Variants in CEP85L observed in about 807,000 individuals in gnomAD.
The protein encoded by CEP85L is centrosomal protein 85L.
In CEP85L, 60 loss-of-function variants were observed where a neutral mutation model predicts 100.3. The ratio of observed to expected loss-of-function variants is 0.60; its 90% CI spans 0.49 to 0.74. The LOEUF (loss-of-function observed/expected upper bound fraction) is 0.74, where lower values mean the gene tolerates loss of function less well. CEP85L is among the 30% of genes least tolerant of loss of function. The pLI, the probability that CEP85L is intolerant of heterozygous loss-of-function variation, is 0.00. For missense variants in CEP85L, 973 were observed against 936.2 expected (o/e 1.04, Z -0.51); for synonymous variants, 319 against 322.7 (o/e 0.99, Z 0.12).
intron 3 of CEP85L, among the ~76,000 whole-genome samples, chr6:118,564,550 A>T (rs1779393337): frequency 6.6e-6 from 1 of 152,196 alleles, no homozygotes; most frequent in South Asian, 2.1e-4. Flanking sequence ...GCGACATGTT[A>T]AGGGTTCTCC....
chr6:118,696,795 G>A (rs183383853), intron 1 of CEP85L, among the ~76,000 whole-genome samples: 87 of 152,202 alleles, frequency 5.7e-4, no homozygotes, highest in African/African-American at 2.0e-3. Context: ...ATGTTAAAAC[G>A]TTCTAAGATA....
intron 2 of CEP85L, among the ~76,000 whole-genome samples, chr6:118,580,634 C>T (rs182951950): frequency 3.9e-5 from 6 of 152,198 alleles, no homozygotes; most frequent in Non-Finnish European, 7.3e-5. Context: ...CTCGCCGTTG[C>T]GCAAGGCTGG....
intron 2 of CEP85L, among the ~76,000 whole-genome samples, chr6:118,594,653 G>C (rs557985977): frequency 6.6e-6 from 1 of 152,090 alleles, no homozygotes. Context: ...TGGATCACGA[G>C]GTCAGGAGAT....
chr6:118,488,110 G>A (rs1468534987), intron 6 of CEP85L, among the ~76,000 whole-genome samples: 3 of 152,140 alleles, frequency 2.0e-5, no homozygotes, highest in Non-Finnish European at 2.9e-5. Flanking sequence ...TCTCTGAGGA[G>A]TGGAAGTGAT....
At chr6:118,652,544 A>T, upstream of CEP85L, 4 of 1,414,020 alleles carry the variant, frequency 2.8e-6, no homozygotes, top group South Asian at 6.0e-5. Context: ...CAGGTCGCTT[A>T]ACTAGAGAGG....
chr6:118,598,783 C>A (rs1781579762), intron 2 of CEP85L, among the ~76,000 whole-genome samples: 1 of 152,104 alleles, frequency 6.6e-6, no homozygotes, highest in Non-Finnish European at 1.5e-5. Context: ...GTTATAGCAG[C>A]CCTAGGAAAC....
intron 5 of CEP85L, chr6:118,502,066 G>A (rs1428717457): frequency 8.1e-6 from 7 of 861,718 alleles, no homozygotes; most frequent in Non-Finnish European, 1.1e-5. Context: ...TCCCCATCCT[G>A]TGGATCCCAT....
In CEP85L at chr6:118,687,893, G is replaced by A. The variant is rs572086568; in HGVS notation, c.-28+22143C>T. ...AAAGGCTTGCCATTGTTCCTGCACG[G>A]CTGAGTGCGTGTGTTCATCCTAATC... On this transcript the variant is annotated intron_variant, in intron 1 of 13. Transcript: ENST00000368488. Among the ~76,000 whole-genome samples, 62 of 152,278 alleles carry A rather than the reference G, an allele frequency of 4.1e-4. No homozygotes were observed. The South Asian group carries it at 0.012, about 31-fold the overall frequency.
intron 1 of CEP85L, among the ~76,000 whole-genome samples, chr6:118,661,252 A>T (rs905747385): frequency 1.3e-5 from 2 of 152,238 alleles, no homozygotes; most frequent in African/African-American, 4.8e-5. Context: ...TTACCATATA[A>T]TGTCATCTTA....
intron 8 of CEP85L, among the ~76,000 whole-genome samples, chr6:118,480,788 A>T (rs1190266973): frequency 1.3e-5 from 2 of 152,092 alleles, no homozygotes; most frequent in East Asian, 1.9e-4. Context: ...GGCTCCGATG[A>T]AGTCCTTCAT....
At chr6:118,617,768 C>T (rs1773162819) in intron 2 of CEP85L, among the ~76,000 whole-genome samples, 2 of 152,148 alleles carry the variant, frequency 1.3e-5, no homozygotes, top group African/African-American at 4.8e-5. Context: ...AATTCTTTGG[C>T]GTGGCTAGGC....
intron 1 of CEP85L, among the ~76,000 whole-genome samples, chr6:118,660,071 T>C (rs957101605): frequency 7.2e-5 from 11 of 152,236 alleles, no homozygotes; most frequent in African/African-American, 2.7e-4. Flanking sequence ...GTGTGTCTCC[T>C]TGTTTTCGTG....
chr6:118,595,845 C>T (rs1248961302), intron 2 of CEP85L, among the ~76,000 whole-genome samples: 2 of 152,168 alleles, frequency 1.3e-5, no homozygotes, highest in Non-Finnish European at 2.9e-5. Flanking sequence ...TAATGCAGCA[C>T]TTCATGCCAC....
At chr6:118,650,348 T>G (rs1355642641) in intron 1 of CEP85L, among the ~76,000 whole-genome samples, 1 of 152,170 alleles carries the variant, frequency 6.6e-6, no homozygotes, top group Non-Finnish European at 1.5e-5. Context: ...ACCCAAGACT[T>G]ATTTTTTATC....
At chr6:118,584,308 T>C (rs958153641) in intron 2 of CEP85L, among the ~76,000 whole-genome samples, 1 of 152,126 alleles carries the variant, frequency 6.6e-6, no homozygotes, top group African/African-American at 2.4e-5. Flanking sequence ...GACCAGAGCA[T>C]TAGGGAAGGA....
intron 2 of CEP85L, among the ~76,000 whole-genome samples, chr6:118,605,351 T>C (rs1043094035): frequency 2.6e-5 from 4 of 152,140 alleles, no homozygotes; most frequent in Non-Finnish European, 5.9e-5. Context: ...GGTGGGGATG[T>C]TTCCTTATCT....
chr6:118,486,936 A>C (rs1435469221), intron 6 of CEP85L, among the ~76,000 whole-genome samples: 2 of 152,148 alleles, frequency 1.3e-5, no homozygotes, highest in Non-Finnish European at 2.9e-5. Context: ...TTCATTCAAC[A>C]TGCCAGGCAC....
upstream of CEP85L, chr6:118,652,348 G>C (rs1775616248): frequency 1.0e-6 from 1 of 999,794 alleles, no homozygotes; most frequent in East Asian, 1.0e-4. Context: ...AGTGCAGGAG[G>C]AGACGTCCTA....
In CEP85L at chr6:118,514,801, G is replaced by T. The variant is rs140027948; in HGVS notation, c.1140-3386C>A. 1.7e-3 allele frequency among the ~76,000 whole-genome samples: 254 copies of T among 151,636 alleles called. 2 individuals are homozygous for T. Among genetic ancestry groups the T allele is most frequent in the African/African-American group, 5.7e-3 (234 of 41,286 alleles). ...AACTATATTAATATTAGTAGAAGCA[G>T]ATTTTTTTTTTTTCTATTTTAGAGA... On this transcript the variant is annotated intron_variant, in intron 4 of 12. Coordinates refer to ENST00000368491, the MANE Select transcript of CEP85L (RefSeq NM_001042475.3).
Sources: gnomAD v4.1 joint callset for allele counts (sites outside exome capture counted in the v4.1 genomes callset) on GRCh38, gnomAD v4.1.1 for gene constraint, MANE v1.5 for transcripts, NCBI Gene and HGNC (gene_info 2026-07-23, HGNC 2026-07-21) for gene names.